DNAH2: variants seen among roughly 807,000 people sequenced by gnomAD.
DNAH2 encodes the protein axonemal beta dynein heavy chain 2.
Under a neutral mutation model 523.5 loss-of-function variants are expected in DNAH2, and 323 were observed. The ratio of observed to expected loss-of-function variants is 0.62; its 90% CI spans 0.56 to 0.68. The LOEUF is 0.68. Among genes scored for constraint, DNAH2 ranks in the 30% least tolerant of loss-of-function variants. The probability of loss-of-function intolerance (pLI) is 0.00; values close to 1 mark genes in which losing one functional copy is unlikely to be tolerated. For synonymous variants in DNAH2, 2,093 were observed against 2,177.4 expected (o/e 0.96, Z 1.08); for missense variants, 4,907 against 5,701.5 (o/e 0.86, Z 4.49).
intron 63 of DNAH2, among the ~76,000 whole-genome samples, chr17:7,815,233 T>C (rs2077626834): frequency 1.3e-5 from 2 of 152,264 alleles, no homozygotes; most frequent in African/African-American, 4.8e-5. Context: ...ACATCACCCT[T>C]ACCTGCAGCC....
At chr17:7,747,111 A>G (rs1251886447) in intron 12 of DNAH2, among the ~76,000 whole-genome samples, 1 of 152,150 alleles carries the variant, frequency 6.6e-6, no homozygotes, top group African/African-American at 2.4e-5. Flanking sequence ...CATATATGAA[A>G]TAGAATCACA....
intron 35 of DNAH2, among the ~76,000 whole-genome samples, chr17:7,778,713 C>T (rs140604196): frequency 1.6e-4 from 24 of 152,198 alleles, no homozygotes; most frequent in Admixed American, 3.3e-4. Context: ...GGATTACAGG[C>T]GTGTGACACC....
At chr17:7,808,147 G>A (rs574675646) in intron 63 of DNAH2, among the ~76,000 whole-genome samples, 2 of 152,264 alleles carry the variant, frequency 1.3e-5, no homozygotes, top group South Asian at 4.1e-4. Flanking sequence ...GAGGTAGGTG[G>A]ACCACCTGAG....
At chr17:7,813,439 A>G (rs1011536880) in intron 63 of DNAH2, among the ~76,000 whole-genome samples, 1 of 152,146 alleles carries the variant, frequency 6.6e-6, no homozygotes, top group Non-Finnish European at 1.5e-5. Context: ...AATGTTGGAA[A>G]AACACAAATG....
chr17:7,727,039 T>G (rs886222293), intron 3 of DNAH2, 83 bp from the exon 4 acceptor site: 23 of 1,427,360 alleles, frequency 1.6e-5, no homozygotes, highest in Non-Finnish European at 1.8e-5. Flanking sequence ...TCATCTCCCA[T>G]GTCCTCACTT....
rs761954517 is a variant in DNAH2 at position 7,821,020 on chromosome 17, CAA to C, written c.11016-222_11016-221del. On this transcript the variant is annotated intron_variant, in intron 72 of 85. Coordinates refer to ENST00000572933, the MANE Select transcript of DNAH2 (RefSeq NM_020877.5). The surrounding 1 kb of genome is among the most constrained non-coding windows in gnomAD (Gnocchi z 5.0). Reference sequence around the variant, plus strand: ...TACCATGGTACTCCAGCCTAGGTGACAAGAGCGAAACTCTGTCTCAAAAAGTA... The same window carrying C: ...TACCATGGTACTCCAGCCTAGGTGACGAGCGAAACTCTGTCTCAAAAAGTA... Among the ~76,000 whole-genome samples the C allele has an allele frequency of 6.6e-6, 1 of 152,020 alleles. No individual in the cohort carries two copies. Among genetic ancestry groups the C allele is most frequent in the Non-Finnish European group, 1.5e-5 (1 of 68,020 alleles).
At chr17:7,731,544 T>A (rs2074989173) in intron 4 of DNAH2, among the ~76,000 whole-genome samples, 1 of 152,116 alleles carries the variant, frequency 6.6e-6, no homozygotes, top group Non-Finnish European at 1.5e-5. Context: ...TTTAATTTAA[T>A]TTTCTATATG....
Position 7,791,986 on chromosome 17 carries a change from T to C in DNAH2, c.6970T>C (p.Ser2324Pro). Reference protein sequence around the residue: ...EMTFVFSMIWSVCASVDEEGR... With the variant: ...EMTFVFSMIWPVCASVDEEGR... ...GACATTTGTGTTCAGCATGATCTGGTCTGTGTGTGCCTCTGTGGATGAGGA... is the reference window on the plus strand; with the variant it reads ...GACATTTGTGTTCAGCATGATCTGGCCTGTGTGTGCCTCTGTGGATGAGGA... The change falls in exon 45 of 86, where the codon TCT becomes CCT. Residue 2324 changes from serine (S) to proline (P), a missense_variant. Ser to Pro is a moderately conservative substitution (Grantham distance 74). Around this residue, in one of 3 missense-constraint regions of DNAH2, gnomAD observed 2,806 missense variants for 3,190.8 expected, o/e 0.88. Transcript: ENST00000572933. 1 of 1,613,980 alleles carries C rather than the reference T, an allele frequency of 6.2e-7. No homozygotes were observed. Among genetic ancestry groups the C allele is most frequent in the Non-Finnish European group, 8.5e-7 (1 of 1,179,960 alleles).
Position 7,817,943 on chromosome 17 carries a change from T to A in DNAH2, c.10237-3T>A. The A allele has an allele frequency of 6.2e-7, 1 of 1,614,070 alleles. No homozygotes were observed. On this transcript the variant is annotated splice_polypyrimidine_tract_variant and splice_region_variant and intron_variant, in intron 67 of 85. Coordinates refer to ENST00000572933, the MANE Select transcript of DNAH2 (RefSeq NM_020877.5). Reference sequence around the variant, plus strand: ...TTCCTTCACCTTCCCCCTTGCTCTCTAGGGCCTGAAGATCATCGACCTGCA... The same window carrying A: ...TTCCTTCACCTTCCCCCTTGCTCTCAAGGGCCTGAAGATCATCGACCTGCA...
chr17:7,741,319 C>T (rs2934597), intron 11 of DNAH2, among the ~76,000 whole-genome samples: 1,789 of 36,900 alleles, frequency 0.048, 194 homozygotes, highest in African/African-American at 0.13. Flanking sequence ...CCCTCCCTCC[C>T]TCCCTCCTTC....
Position 7,830,771 on chromosome 17 carries a change from G to A in DNAH2, c.12159G>A (p.Trp4053Ter). The A allele has an allele frequency of 6.2e-7, 1 of 1,614,106 alleles. No homozygotes were observed. The highest frequency in any genetic ancestry group is 8.5e-7 in the Non-Finnish European group (1 of 1,180,024). ...ATGGTGGACATGTCACAGATGACTGGGACCGGCGCCTGCTGACCACCTACA... is the reference window on the plus strand; with the variant it reads ...ATGGTGGACATGTCACAGATGACTGAGACCGGCGCCTGCTGACCACCTACA... ...INYGGHVTDD[W>*]DRRLLTTYIN... Residue 4053 changes from tryptophan (W) to a stop codon, truncating the protein, a stop_gained, in exon 79 of 86, where the codon TGG becomes TGA. Coordinates refer to ENST00000572933, the MANE Select transcript of DNAH2 (RefSeq NM_020877.5). LOFTEE classifies it high-confidence loss of function.
chr17:7,760,055 C>T lies in DNAH2; in HGVS notation c.2785+117C>T. 1 of 1,498,966 alleles carries T rather than the reference C, an allele frequency of 6.7e-7. No individual in the cohort carries two copies. Among genetic ancestry groups the T allele is most frequent in the Non-Finnish European group, 9.1e-7 (1 of 1,095,516 alleles). 92.9% of individuals were successfully genotyped at this position (1,498,966 alleles called of 1,614,324 possible). On this transcript the variant is annotated intron_variant, in intron 17 of 85. Transcript: ENST00000572933. The surrounding 1 kb of genome is among the most constrained non-coding windows in gnomAD (Gnocchi z 4.0). ...CATACTGGGCCAGTCACCTCCCTGA[C>T]CTGGGGAAAACTCAGGTCAAGGGGC...
rs376439466 is a variant in DNAH2, at chr17:7,818,402, A to G, written c.10478A>G (p.His3493Arg). The G allele has an allele frequency of 1.9e-6, 3 of 1,614,180 alleles. No individual in the cohort carries two copies. The highest frequency in any genetic ancestry group is 2.5e-6 in the Non-Finnish European group (3 of 1,180,026). Reference protein sequence around the residue: ...FYITTKLSNPHYSPETSAKTT... With the variant: ...FYITTKLSNPRYSPETSAKTT... ...ATCACCACCAAGCTCTCCAACCCCCACTACAGCCCAGAGACCTCAGCCAAG... is the reference window on the plus strand; with the variant it reads ...ATCACCACCAAGCTCTCCAACCCCCGCTACAGCCCAGAGACCTCAGCCAAG... Residue 3493 changes from histidine to arginine, a missense_variant, in exon 69 of 86, where the codon CAC becomes CGC. Around this residue, in one of 3 missense-constraint regions of DNAH2, gnomAD observed 1,851 missense variants for 2,139.4 expected, o/e 0.87. Coordinates refer to ENST00000572933, the MANE Select transcript of DNAH2 (RefSeq NM_020877.5).
At position 7,824,599 on chromosome 17, in the gene DNAH2, C is replaced by T. The variant is rs1055767132; in HGVS notation, c.11725C>T (p.Leu3909=). The T allele has an allele frequency of 1.9e-6, 3 of 1,606,424 alleles. No individual in the cohort carries two copies. The highest frequency in any genetic ancestry group is 2.2e-5 in the East Asian group (1 of 44,482). The change falls in exon 77 of 86, where the codon CTG becomes TTG. Residue 3909 remains leucine, a synonymous_variant. Coordinates refer to ENST00000572933, the MANE Select transcript of DNAH2 (RefSeq NM_020877.5). ...GTCTTGGATGCCTAATCTGGACAAG[C>T]TGGTGGAGCAGCTGCAGGTGGAGGA... ...SLSWMPNLDK[L]VEQLQVEDPH... is the part of the protein sequence containing the mutation.
In DNAH2 at chr17:7,792,637, C is replaced by T. The variant is rs773968017; in HGVS notation, c.7146-20C>T. ...GAGTGGGCGGCTGGTCCTTGAGAGC[C>T]GGCCCCTGCTCTTCCCTAGCGCCCC... is the stretch of plus-strand genomic sequence containing the variant. On this transcript the variant is annotated intron_variant, in intron 46 of 85. Transcript: ENST00000572933. 8.7e-6 allele frequency: 14 copies of T among 1,604,524 alleles called. No homozygotes were observed. The Admixed American group carries it at 1.5e-4, about 17-fold the overall frequency.
Position 7,734,689 on chromosome 17 carries a change from A to G in DNAH2, c.959A>G (p.Lys320Arg). Residue 320 changes from lysine to arginine, a missense_variant, in exon 7 of 86, where the codon AAA (lysine) becomes AGA (arginine). Coordinates refer to ENST00000572933, the MANE Select transcript of DNAH2 (RefSeq NM_020877.5). ...AKSSYLAPFM[K>R]LAQQIQDGSR... ...TCGTCCTACTTGGCGCCCTTTATGAAACTGGCACAGCAGATCCAGGTTTGT... is the reference window on the plus strand; with the variant it reads ...TCGTCCTACTTGGCGCCCTTTATGAGACTGGCACAGCAGATCCAGGTTTGT... 6.2e-7 allele frequency: 1 copy of G among 1,612,392 alleles called. No individual in the cohort carries two copies. The highest frequency in any genetic ancestry group is 8.5e-7 in the Non-Finnish European group (1 of 1,179,776).
chr17:7,798,656 A>G lies in DNAH2; in HGVS notation c.8497A>G (p.Ile2833Val). Residue 2833 changes from isoleucine to valine, a missense_variant, in exon 55 of 86, where the codon ATC becomes GTC. Physicochemically the swap from Ile to Val is conservative, Grantham distance 29. This residue lies in a region of DNAH2 where 1,851 missense variants were observed against 2,139.4 expected (regional missense o/e 0.87). Coordinates refer to ENST00000572933, the MANE Select transcript of DNAH2 (RefSeq NM_020877.5). The surrounding 1 kb of genome is among the most constrained non-coding windows in gnomAD (Gnocchi z 5.5). ...AGCTGATGAGTCCTTCCTAGAGGAC[A>G]TCAACAACATCCTCAGCTCAGGCGA... ...QIADESFLED[I>V]NNILSSGEVP... is the part of the protein sequence containing the mutation. The G allele has an allele frequency of 5.6e-6, 9 of 1,614,138 alleles. No homozygotes were observed. Among genetic ancestry groups the G allele is most frequent in the Non-Finnish European group, 7.6e-6 (9 of 1,180,024 alleles).
chr17:7,760,079 G>A lies in DNAH2; in HGVS notation c.2785+141G>A. The A allele has an allele frequency of 7.7e-7, 1 of 1,305,206 alleles. No individual in the cohort carries two copies. Among genetic ancestry groups the A allele is most frequent in the East Asian group, 2.3e-5 (1 of 43,156 alleles). The allele number at this position is 1,305,206 out of a possible 1,614,324, so 80.9% of individuals were successfully genotyped here. On this transcript the variant is annotated intron_variant, in intron 17 of 85. Transcript: ENST00000572933. This position sits in a 1 kb window ranked among gnomAD's most constrained non-coding sequence, Gnocchi z 4.0. ...ACCTGGGGAAAACTCAGGTCAAGGG[G>A]CCAGATCGGCTGGCACAGTGGCTTG...
intron 49 of DNAH2, among the ~76,000 whole-genome samples, chr17:7,794,868 C>G (rs1267587182): frequency 6.6e-6 from 1 of 151,474 alleles, no homozygotes; most frequent in African/African-American, 2.4e-5. Flanking sequence ...GATTCTCCTG[C>G]CTCAGCCTCC....
Sources: allele counts gnomAD v4.1 joint callset (sites outside exome capture counted in the v4.1 genomes callset), GRCh38; gene constraint gnomAD v4.1.1; regional missense constraint gnomAD v4.1.1; non-coding constraint Gnocchi (gnomAD v3.1); transcripts MANE v1.5; gene names NCBI Gene and HGNC (gene_info 2026-07-23, HGNC 2026-07-21).